Variants in EFHD1 observed in about 807,000 individuals in gnomAD.
EFHD1 encodes EF-hand domain family member D1.
In EFHD1, 10 loss-of-function variants were observed where a neutral mutation model predicts 17.2. The ratio of observed to expected loss-of-function variants is 0.58; its 90% CI spans 0.36 to 0.99. The LOEUF is 0.99. Among genes scored for constraint, EFHD1 ranks in the 50% least tolerant of loss-of-function variants. The pLI is 0.01. For synonymous variants in EFHD1, 153 were observed against 142.0 expected, an observed-to-expected ratio of 1.08 and a Z score of -0.55; for missense variants, 310 against 327.5, an observed-to-expected ratio of 0.95 and a Z score of 0.41.
At chr2:232,663,816 T>C (rs1694920877) in intron 2 of EFHD1, among the ~76,000 whole-genome samples, 1 of 151,326 alleles carries the variant, frequency 6.6e-6, no homozygotes, top group Admixed American at 6.6e-5. Context: ...TGCGTCTTCT[T>C]TGCTTATCAC....
intron 1 of EFHD1, among the ~76,000 whole-genome samples, chr2:232,662,397 G>C (rs1694888913): frequency 6.6e-6 from 1 of 152,130 alleles, no homozygotes; most frequent in African/African-American, 2.4e-5. Context: ...GAGGCTCCTG[G>C]AATTGCCAGC....
Position 232,682,350 on chromosome 2 carries a change from C to A in EFHD1, c.*631C>A. Reference sequence around the variant, plus strand: ...TTCTCCTGGCCCCTTAGCATTCCCCCAGTCCCTCCCTCTTCACCTTGCTCC... The same window carrying A: ...TTCTCCTGGCCCCTTAGCATTCCCCAAGTCCCTCCCTCTTCACCTTGCTCC... On this transcript the variant is annotated 3_prime_UTR_variant, in exon 4 of 4. Transcript: ENST00000264059. The A allele has an allele frequency of 6.5e-6, 1 of 152,866 alleles. No individual in the cohort carries two copies. 9.5% of individuals were successfully genotyped at this position (152,866 alleles called of 1,614,324 possible). A position where few individuals can be genotyped will look rare whatever the true frequency, so the allele number is the denominator to read the frequency against.
At chr2:232,626,283 C>T (rs1362402850) in intron 1 of EFHD1, among the ~76,000 whole-genome samples, 2 of 152,014 alleles carry the variant, frequency 1.3e-5, no homozygotes, top group African/African-American at 2.4e-5. Flanking sequence ...TGTTGGCTCA[C>T]GCTTGCAATC....
At chr2:232,653,745 T>C (rs1186511395) in intron 1 of EFHD1, among the ~76,000 whole-genome samples, 1 of 152,172 alleles carries the variant, frequency 6.6e-6, no homozygotes, top group Non-Finnish European at 1.5e-5. Context: ...CCCCTCCACA[T>C]TACATGGTCA....
At chr2:232,662,216 G>A (rs1271098147) in intron 1 of EFHD1, among the ~76,000 whole-genome samples, 1 of 152,138 alleles carries the variant, frequency 6.6e-6, no homozygotes, top group Non-Finnish European at 1.5e-5. Context: ...GAGCCCTCTT[G>A]GTAGACACGG....
chr2:232,671,418 C>A (rs1049943683), intron 2 of EFHD1, among the ~76,000 whole-genome samples: 1 of 151,960 alleles, frequency 6.6e-6, no homozygotes, highest in East Asian at 1.9e-4. Context: ...CAGAGCGAGA[C>A]CCTGTCTCAA....
At chr2:232,613,667 C>CACACACACAAATACACAA (rs1559335675) in intron 1 of EFHD1, among the ~76,000 whole-genome samples, 3 of 149,552 alleles carry the variant, frequency 2.0e-5, no homozygotes, top group Non-Finnish European at 4.4e-5. Context: ...CAAATACACA[C>CACACACACAAATACACAA]ACACAAATAT....
At chr2:232,629,221 T>C (rs1244291052), upstream of EFHD1, among the ~76,000 whole-genome samples, 4 of 152,192 alleles carry the variant, frequency 2.6e-5, no homozygotes, top group Non-Finnish European at 5.9e-5. Flanking sequence ...TACACAGCAA[T>C]AGAACTGAAC....
chr2:232,679,353 G>A (rs1167545890), intron 3 of EFHD1, among the ~76,000 whole-genome samples: 2 of 151,874 alleles, frequency 1.3e-5, no homozygotes, highest in Admixed American at 1.3e-4. Context: ...TATAACCAGA[G>A]ACTAATACCT....
intron 1 of EFHD1, among the ~76,000 whole-genome samples, chr2:232,646,532 C>T (rs1176230881): frequency 6.6e-6 from 1 of 150,778 alleles, no homozygotes; most frequent in African/African-American, 2.4e-5. Context: ...GCAGCCTCCG[C>T]CTCCTGGGTT....
intron 2 of EFHD1, among the ~76,000 whole-genome samples, chr2:232,665,892 G>A (rs559940012): frequency 2.0e-5 from 3 of 152,258 alleles, no homozygotes; most frequent in South Asian, 2.1e-4. Flanking sequence ...TTTTTTCACA[G>A]TTCACTGCAG....
chr2:232,630,391 T>A (rs1388354604), upstream of EFHD1, among the ~76,000 whole-genome samples: 1 of 152,112 alleles, frequency 6.6e-6, no homozygotes, highest in East Asian at 1.9e-4. Context: ...TTCTGAGGGG[T>A]GGCCAGGTGT....
chr2:232,627,079 T>TTA lies in EFHD1; in HGVS notation c.14+20906_14+20907insTA, dbSNP rs71056285. ...ATATATATATATTTTTTTTTTTTTT[T>TTA]AATTAGCCAGTTGTGGTGGCACACA... On this transcript the variant is annotated intron_variant, in intron 1 of 3. Transcript: ENST00000409613. 2.9e-3 allele frequency among the ~76,000 whole-genome samples: 379 copies of TTA among 132,768 alleles called. 1 individual carries two copies. The highest frequency in any genetic ancestry group is 0.011 in the African/African-American group (367 of 34,906). 87.1% of individuals were successfully genotyped at this position (132,768 alleles called of 152,430 possible).
At chr2:232,664,606 G>GTT (rs57219644) in intron 2 of EFHD1, among the ~76,000 whole-genome samples, 892 of 62,654 alleles carry the variant, frequency 0.014, 4 homozygotes, top group East Asian at 0.021. Flanking sequence ...CCCCAAAATA[G>GTT]TTTTTTTTTT....
intron 1 of EFHD1, among the ~76,000 whole-genome samples, chr2:232,613,798 A>G (rs1411477044): frequency 6.9e-6 from 1 of 144,066 alleles, no homozygotes; most frequent in Non-Finnish European, 1.5e-5. Context: ...ACATATACAC[A>G]CAAAAATATA....
intron 1 of EFHD1, among the ~76,000 whole-genome samples, chr2:232,634,771 C>T (rs1460126459): frequency 6.6e-6 from 1 of 152,222 alleles, no homozygotes; most frequent in East Asian, 1.9e-4. Context: ...GTTTCCTCAT[C>T]TGGAGAGTGG....
In EFHD1 at chr2:232,623,696, AAGAAGAAG is replaced by A. The variant is rs1559339129; in HGVS notation, c.14+17525_14+17532del. On this transcript the variant is annotated intron_variant, in intron 1 of 3. Coordinates refer to the EFHD1 transcript ENST00000409613. ...TCCAAAAAAAAAAAAAAAAAAAAAG[AAGAAGAAG>A]AAGAAGAAGAAGAAAGAAAGAAAGA... 4.3e-3 allele frequency among the ~76,000 whole-genome samples: 375 copies of A among 87,684 alleles called. 3 individuals carry two copies. Among genetic ancestry groups the A allele is most frequent in the African/African-American group, 9.4e-3 (212 of 22,444 alleles). The allele number at this position is 87,684 out of a possible 152,430, so 57.5% of individuals were successfully genotyped here.
chr2:232,661,370 A>T (rs907079789), intron 1 of EFHD1, among the ~76,000 whole-genome samples: 1 of 152,020 alleles, frequency 6.6e-6, no homozygotes, highest in Non-Finnish European at 1.5e-5. Context: ...TATGAATTTG[A>T]CTACTGTAAG....
At chr2:232,658,901 A>G (rs1694810207) in intron 1 of EFHD1, among the ~76,000 whole-genome samples, 1 of 152,140 alleles carries the variant, frequency 6.6e-6, no homozygotes, top group Non-Finnish European at 1.5e-5. Flanking sequence ...TGTTAATTAT[A>G]TCTCAGTAAA....
Sources: allele counts gnomAD v4.1 joint callset (sites outside exome capture counted in the v4.1 genomes callset), GRCh38; gene constraint gnomAD v4.1.1; transcripts MANE v1.5; gene names NCBI Gene and HGNC (gene_info 2026-07-23, HGNC 2026-07-21).